The following PRKN variants were observed in gnomAD, a reference collection of about 807,000 sequenced individuals.
The protein encoded by PRKN is parkin RBR E3 ubiquitin protein ligase.
A neutral mutation model predicts 59.5 loss-of-function variants in PRKN; 56 were observed. That is an observed-to-expected ratio of 0.94 (90% confidence interval 0.76 to 1.18). The LOEUF is 1.18. Among genes scored for constraint, PRKN ranks in the 50% most tolerant of loss-of-function variants. The probability of loss-of-function intolerance (pLI) is 0.00; values close to 1 mark genes in which losing one functional copy is unlikely to be tolerated. For synonymous variants in PRKN, 250 were observed against 222.1 expected (o/e 1.13, Z -1.12); for missense variants, 657 against 596.4 (o/e 1.10, Z -1.06).
At chr6:161,974,292 G>T (rs769789567) in intron 5 of PRKN, among the ~76,000 whole-genome samples, 1 of 152,036 alleles carries the variant, frequency 6.6e-6, no homozygotes, top group Non-Finnish European at 1.5e-5. Context: ...GCCCCATCTG[G>T]AGTCTGCCCC....
chr6:161,925,390 T>A (rs2128239717), intron 6 of PRKN, among the ~76,000 whole-genome samples: 1 of 151,886 alleles, frequency 6.6e-6, no homozygotes, highest in South Asian at 2.1e-4. Context: ...GCTAACAGGG[T>A]GAAATCCCGT....
At chr6:161,565,382 G>T (rs1006701233) in intron 8 of PRKN, among the ~76,000 whole-genome samples, 2 of 152,022 alleles carry the variant, frequency 1.3e-5, no homozygotes, top group Admixed American at 6.5e-5. Flanking sequence ...GACATGGTTT[G>T]GCTGTGTCCC....
chr6:162,613,239 G>A (rs1397197107), intron 1 of PRKN, among the ~76,000 whole-genome samples: 1 of 152,148 alleles, frequency 6.6e-6, no homozygotes, highest in Non-Finnish European at 1.5e-5. Flanking sequence ...TAGAAGCACT[G>A]ACATTAAATT....
At chr6:162,541,360 G>A (rs534322167) in intron 1 of PRKN, among the ~76,000 whole-genome samples, 32 of 152,330 alleles carry the variant, frequency 2.1e-4, no homozygotes, top group African/African-American at 6.5e-4. Context: ...TAACTGGGGA[G>A]AGCCATCCAG....
chr6:162,380,482 T>C (rs1226325433), intron 2 of PRKN, among the ~76,000 whole-genome samples: 1 of 44,234 alleles, frequency 2.3e-5, no homozygotes, highest in Non-Finnish European at 5.5e-5. Flanking sequence ...TGTATATATA[T>C]GTATATATAC....
intron 7 of PRKN, among the ~76,000 whole-genome samples, chr6:161,725,486 T>C (rs1464991488): frequency 6.6e-6 from 1 of 152,198 alleles, no homozygotes; most frequent in African/African-American, 2.4e-5. Context: ...GATGCAGAAG[T>C]GATTTGCTAA....
At chr6:162,469,088 C>T (rs1458386437) in intron 1 of PRKN, among the ~76,000 whole-genome samples, 1 of 151,996 alleles carries the variant, frequency 6.6e-6, no homozygotes, top group Non-Finnish European at 1.5e-5. Context: ...TTTTAATTTA[C>T]AGTACTCTAT....
At chr6:161,365,259 T>C (rs1785155056) in intron 10 of PRKN, among the ~76,000 whole-genome samples, 1 of 152,188 alleles carries the variant, frequency 6.6e-6, no homozygotes, top group African/African-American at 2.4e-5. Flanking sequence ...CCAACCCGTG[T>C]GGACAGATTA....
At chr6:161,674,106 A>G (rs1036509933) in intron 7 of PRKN, among the ~76,000 whole-genome samples, 4 of 152,268 alleles carry the variant, frequency 2.6e-5, no homozygotes, top group African/African-American at 9.6e-5. Flanking sequence ...CTGGGAAAAA[A>G]GAAACAAAGG....
chr6:162,488,264 G>A lies in PRKN; in HGVS notation c.8-44791C>T, dbSNP rs116377704. 3.7e-3 allele frequency among the ~76,000 whole-genome samples: 566 copies of A among 152,096 alleles called. 5 individuals carry two copies. The highest frequency in any genetic ancestry group is 0.013 in the African/African-American group (558 of 41,490). On this transcript the variant is annotated intron_variant, in intron 1 of 11. Coordinates refer to ENST00000366898, the MANE Select transcript of PRKN (RefSeq NM_004562.3). ...TTATCAAACCAATGAGAATCTCCAG[G>A]CATGCATGTTTTAGGTCAAATTAAG...
chr6:162,424,653 T>G (rs1345177234), intron 2 of PRKN, among the ~76,000 whole-genome samples: 1 of 151,254 alleles, frequency 6.6e-6, no homozygotes, highest in Non-Finnish European at 1.5e-5. Flanking sequence ...GAGAATTGCT[T>G]GAACCCGGGA....
chr6:161,713,646 T>A (rs1392684885), intron 7 of PRKN, among the ~76,000 whole-genome samples: 1 of 152,158 alleles, frequency 6.6e-6, no homozygotes, highest in Non-Finnish European at 1.5e-5. Context: ...TTTTCAACTG[T>A]TCCTTGTACG....
At chr6:162,409,135 G>A (rs1788221093) in intron 2 of PRKN, among the ~76,000 whole-genome samples, 1 of 151,804 alleles carries the variant, frequency 6.6e-6, no homozygotes, top group Non-Finnish European at 1.5e-5. Flanking sequence ...CCTTTCTTCT[G>A]GGAATAGTAA....
intron 2 of PRKN, among the ~76,000 whole-genome samples, chr6:162,304,368 T>C (rs1259279447): frequency 2.6e-5 from 4 of 150,944 alleles, no homozygotes; most frequent in African/African-American, 7.3e-5. Flanking sequence ...GGCCTAAAAA[T>C]GTTACCTTTA....
intron 7 of PRKN, among the ~76,000 whole-genome samples, chr6:161,745,213 A>T (rs1393401355): frequency 6.6e-6 from 1 of 152,188 alleles, no homozygotes; most frequent in Non-Finnish European, 1.5e-5. Flanking sequence ...GGCATGAAAT[A>T]ATAACATAAA....
At chr6:162,481,392 T>C (rs1041590733) in intron 1 of PRKN, among the ~76,000 whole-genome samples, 3 of 152,208 alleles carry the variant, frequency 2.0e-5, no homozygotes, top group Non-Finnish European at 4.4e-5. Context: ...CTGATACATT[T>C]TAAGGTTTCT....
chr6:161,908,439 G>A (rs1778231699), intron 6 of PRKN, among the ~76,000 whole-genome samples: 1 of 152,076 alleles, frequency 6.6e-6, no homozygotes, highest in South Asian at 2.1e-4. Flanking sequence ...GAACCTCCTG[G>A]AATTTGACAT....
At chr6:161,784,754 G>A (rs1583161388) in intron 7 of PRKN, among the ~76,000 whole-genome samples, 4 of 151,968 alleles carry the variant, frequency 2.6e-5, no homozygotes, top group Non-Finnish European at 4.4e-5. Flanking sequence ...TCTGCTTCTC[G>A]GTATATATCC....
intron 4 of PRKN, among the ~76,000 whole-genome samples, chr6:162,087,367 C>A (rs767529229): frequency 7.2e-5 from 11 of 152,006 alleles, no homozygotes; most frequent in Non-Finnish European, 1.2e-4. Flanking sequence ...CATGAGAATG[C>A]CCTTAAGGAA....
Sources: gnomAD v4.1 joint callset for allele counts (sites outside exome capture counted in the v4.1 genomes callset) on GRCh38, gnomAD v4.1.1 for gene constraint, MANE v1.5 for transcripts, NCBI Gene and HGNC (gene_info 2026-07-23, HGNC 2026-07-21) for gene names.